The following HUWE1 variants were observed in gnomAD, a reference collection of about 807,000 sequenced individuals.
HUWE1 encodes the protein HECT, UBA and WWE domain containing E3 ubiquitin protein ligase 1.
Under a neutral mutation model 299.4 loss-of-function variants are expected in HUWE1, and 18 were observed. The ratio of observed to expected loss-of-function variants is 0.06; its 90% CI spans 0.04 to 0.09. The LOEUF (loss-of-function observed/expected upper bound fraction) is 0.09. Ranked by LOEUF, HUWE1 falls within the 10% of genes least tolerant of loss-of-function variation. HUWE1 has a pLI of 1.00. For synonymous variants in HUWE1, 1,317 were observed against 1,286.1 expected, an observed-to-expected ratio of 1.02 and a Z score of -0.51; for missense variants, 1,832 against 3,462.3, an observed-to-expected ratio of 0.53 and a Z score of 11.82.
In HUWE1 at chrX:53,593,571, A is replaced by G. The variant is rs942870690; in HGVS notation, c.3534T>C (p.Gly1178=). 52 of 1,206,971 alleles carry G rather than the reference A, an allele frequency of 4.3e-5. No individual in the cohort carries two copies. The highest frequency in any genetic ancestry group is 5.2e-5 in the Non-Finnish European group (46 of 892,408). The change falls in exon 32 of 84, where the codon GGT becomes GGC. Residue 1178 remains glycine (G), a synonymous_variant. Coordinates refer to ENST00000262854, the MANE Select transcript of HUWE1 (RefSeq NM_031407.7). ...ETFNWALSMG[G]KVPVSEGLEH... Reference sequence around the variant, plus strand: ...CCAATCCCTCAGAAACAGGAACTTTACCTCCCATGGACAGAGCCCAGTTGA... The same window carrying G: ...CCAATCCCTCAGAAACAGGAACTTTGCCTCCCATGGACAGAGCCCAGTTGA...
rs370016967 is a variant in HUWE1 at position 53,550,780 on chromosome X, G to A, written c.9386-12C>T. The A allele has an allele frequency of 3.6e-5, 43 of 1,205,778 alleles. No homozygotes were observed. In the Middle Eastern group the frequency reaches 9.2e-4, roughly 26 times the overall value. On this transcript the variant is annotated splice_polypyrimidine_tract_variant and intron_variant, in intron 65 of 83. Transcript: ENST00000262854. Reference sequence around the variant, plus strand: ...GCGACTGGTGAAAGCTGGAAGGAAAGAAAAAGAAAACTGAGATTGTGGAGA... The same window carrying A: ...GCGACTGGTGAAAGCTGGAAGGAAAAAAAAAGAAAACTGAGATTGTGGAGA...
At chrX:53,593,091 A>G (rs1482781200) in intron 32 of HUWE1, among the ~76,000 whole-genome samples, 4 of 112,296 alleles carry the variant, frequency 3.6e-5, no homozygotes, top group Admixed American at 2.8e-4. Context: ...GGCCACTTAA[A>G]TATCTTTTCT....
chrX:53,605,123 A>T (rs1276594063), intron 25 of HUWE1, among the ~76,000 whole-genome samples: 1 of 112,652 alleles, frequency 8.9e-6, no homozygotes, highest in Non-Finnish European at 1.9e-5. Flanking sequence ...TCTACACTAT[A>T]GGATTAATTC....
At chrX:53,554,950 A>G (rs1373688923) in intron 60 of HUWE1, 30 bp from the exon 61 acceptor site, 1 of 1,110,029 alleles carries the variant, frequency 9.0e-7, no homozygotes, top group Non-Finnish European at 1.2e-6. Flanking sequence ...AATAGTGGTT[A>G]AGGGGCAACC....
intron 55 of HUWE1, among the ~76,000 whole-genome samples, chrX:53,561,329 TAG>T (rs1337116696): frequency 3.6e-5 from 4 of 112,284 alleles, no homozygotes; most frequent in Non-Finnish European, 5.6e-5. Flanking sequence ...CCTGGATGAA[TAG>T]AGTGAGTATG....
At chrX:53,646,440 G>C (rs1348280392) in intron 6 of HUWE1, among the ~76,000 whole-genome samples, 1 of 111,755 alleles carries the variant, frequency 8.9e-6, no homozygotes, top group Non-Finnish European at 1.9e-5. Flanking sequence ...TTACAGACAT[G>C]AGCCACTGCA....
Position 53,554,783 on chromosome X carries a change from C to G in HUWE1, c.8344G>C (p.Glu2782Gln). 8.3e-6 allele frequency: 10 copies of G among 1,211,589 alleles called. No homozygotes were observed. The highest frequency in any genetic ancestry group is 1.1e-5 in the Non-Finnish European group (10 of 895,493). Reference sequence around the variant, plus strand: ...GGAGACTGCAGCTCCTGAGGAACCTCTCCCAAAGCTGGTGGGGTTGGGAGT... The same window carrying G: ...GGAGACTGCAGCTCCTGAGGAACCTGTCCCAAAGCTGGTGGGGTTGGGAGT... ...PTLPTPPALG[E>Q]VPQELQSPAG... Residue 2782 changes from glutamate (E) to glutamine (Q), a missense_variant, in exon 61 of 84, where the codon GAG becomes CAG. Physicochemically the swap from Glu to Gln is conservative, Grantham distance 29. Transcript: ENST00000262854.
chrX:53,578,577 G>T (rs2063349962), intron 43 of HUWE1, among the ~76,000 whole-genome samples: 1 of 96,621 alleles, frequency 1.0e-5, no homozygotes, highest in Admixed American at 1.0e-4. Flanking sequence ...CCGGGAGGGG[G>T]GAGGGGGGGT....
chrX:53,639,132 A>G (rs1023029537), intron 7 of HUWE1, among the ~76,000 whole-genome samples: 2 of 112,420 alleles, frequency 1.8e-5, no homozygotes, highest in East Asian at 2.8e-4. Flanking sequence ...CAAAGGACTA[A>G]TATCTCCAAT....
intron 3 of HUWE1, among the ~76,000 whole-genome samples, chrX:53,666,434 A>C (rs1181059492): frequency 8.9e-6 from 1 of 111,912 alleles, no homozygotes; most frequent in Non-Finnish European, 1.9e-5. Context: ...ATGGGTGTTC[A>C]TTATGCTTTT....
chrX:53,534,851 C>T (rs1209979443), intron 81 of HUWE1, among the ~76,000 whole-genome samples, 154 bp from the exon 82 acceptor site: 1 of 110,670 alleles, frequency 9.0e-6, no homozygotes, highest in East Asian at 2.8e-4. Context: ...GTCTCAACCC[C>T]CTGGGCTCAA....
chrX:53,569,323 C>A (rs943090443), intron 48 of HUWE1, among the ~76,000 whole-genome samples: 1 of 112,781 alleles, frequency 8.9e-6, no homozygotes, highest in Non-Finnish European at 1.9e-5. Flanking sequence ...CCGTGCCCAG[C>A]CCCTACTTTA....
At chrX:53,621,595 C>T (rs1477106437) in intron 19 of HUWE1, among the ~76,000 whole-genome samples, 1 of 108,582 alleles carries the variant, frequency 9.2e-6, no homozygotes, top group Non-Finnish European at 1.9e-5. Context: ...CCACATAACT[C>T]ATCATAACTC....
chrX:53,679,807 T>C (rs1557052504), intron 3 of HUWE1, among the ~76,000 whole-genome samples: 1 of 111,851 alleles, frequency 8.9e-6, no homozygotes, highest in Non-Finnish European at 1.9e-5. Context: ...TGCAATTTTA[T>C]TTTTTGAACG....
At chrX:53,581,758 T>C (rs782334800) in intron 42 of HUWE1, among the ~76,000 whole-genome samples, 1 of 111,758 alleles carries the variant, frequency 8.9e-6, no homozygotes, top group East Asian at 2.8e-4. Flanking sequence ...ATAATTTCCA[T>C]TTAATAAACA....
chrX:53,589,952 A>G, intron 35 of HUWE1, 136 bp from the exon 36 acceptor site: 1 of 677,063 alleles, frequency 1.5e-6, no homozygotes, highest in Non-Finnish European at 2.2e-6. Context: ...ACTTTCATCC[A>G]GGATGTGGCA....
In HUWE1 at chrX:53,534,526, T is replaced by G. The variant is rs148067102; in HGVS notation, c.12821A>C (p.Asn4274Thr). 6.6e-6 allele frequency: 8 copies of G among 1,205,510 alleles called. No homozygotes were observed. The highest frequency in any genetic ancestry group is 3.5e-5 in the South Asian group (2 of 56,362). ...CCAGCAGCAGCTCACCTGAATAGAGTTGGACTGGTACTTGTGGTATTCAGT... is the reference window on the plus strand; with the variant it reads ...CCAGCAGCAGCTCACCTGAATAGAGGTGGACTGGTACTTGTGGTATTCAGT... Reference protein sequence around the residue: ...SNTEYHKYQSNSIQIQWFWRA... With the variant: ...SNTEYHKYQSTSIQIQWFWRA... The change falls in exon 82 of 84, where the codon AAC becomes ACC. Residue 4274 changes from asparagine (N) to threonine (T), a missense_variant. Asn to Thr is a moderately conservative substitution (Grantham distance 65). Coordinates refer to ENST00000262854, the MANE Select transcript of HUWE1 (RefSeq NM_031407.7).
At chrX:53,548,791 G>A (rs1279954916) in intron 67 of HUWE1, among the ~76,000 whole-genome samples, 168 bp downstream of exon 67, 2 of 112,365 alleles carry the variant, frequency 1.8e-5, no homozygotes, top group Admixed American at 1.9e-4. Context: ...GGAAAAGAAT[G>A]AAGAAAAAAC....
intron 8 of HUWE1, among the ~76,000 whole-genome samples, chrX:53,633,648 G>A (rs1029911612): frequency 3.6e-5 from 4 of 112,552 alleles, no homozygotes; most frequent in South Asian, 7.2e-4. Flanking sequence ...CAAATCCCAC[G>A]TGGAAAATAT....
Sources: allele counts gnomAD v4.1 joint callset (sites outside exome capture counted in the v4.1 genomes callset), GRCh38; gene constraint gnomAD v4.1.1; transcripts MANE v1.5; gene names NCBI Gene and HGNC (gene_info 2026-07-23, HGNC 2026-07-21).